The following PPP1R21 variants were observed in gnomAD, a reference collection of about 807,000 sequenced individuals.
PPP1R21 encodes protein phosphatase 1 regulatory subunit 21.
Under a neutral mutation model 112.8 loss-of-function variants are expected in PPP1R21, and 85 were observed. That is an observed-to-expected ratio of 0.75 (90% CI 0.63 to 0.90). PPP1R21 has a LOEUF of 0.90. Ranked by LOEUF, PPP1R21 falls within the 40% of genes least tolerant of loss-of-function variation. The pLI, the probability that PPP1R21 is intolerant of heterozygous loss-of-function variation, is 0.00. For synonymous variants in PPP1R21, 381 were observed against 322.3 expected (o/e 1.18, Z -1.95); for missense variants, 1,199 against 901.5 (o/e 1.33, Z -4.23).
chr2:48,446,576 A>G (rs1031191114), intron 1 of PPP1R21, among the ~76,000 whole-genome samples: 2 of 152,178 alleles, frequency 1.3e-5, no homozygotes, highest in Non-Finnish European at 2.9e-5. Flanking sequence ...ATAATTTATT[A>G]ATTTGATTTG....
At chr2:48,514,669 T>G (rs1347326253) in intron 21 of PPP1R21, 46 bp from the exon 22 acceptor site, 3 of 1,384,418 alleles carry the variant, frequency 2.2e-6, no homozygotes, top group Admixed American at 3.4e-5. Flanking sequence ...GTGAGTTATT[T>G]TTTTTTATGT....
chr2:48,499,517 C>A (rs992947920), intron 17 of PPP1R21, among the ~76,000 whole-genome samples: 1 of 152,168 alleles, frequency 6.6e-6, no homozygotes, highest in East Asian at 1.9e-4. Context: ...GAACCCAGGA[C>A]TTTGAGACCA....
At chr2:48,507,869 G>A (rs766468098) in intron 19 of PPP1R21, among the ~76,000 whole-genome samples, 4 of 143,520 alleles carry the variant, frequency 2.8e-5, no homozygotes, top group Non-Finnish European at 4.5e-5. Flanking sequence ...GGGTTCGAGC[G>A]ATTCTCCCGC....
intron 13 of PPP1R21, among the ~76,000 whole-genome samples, chr2:48,484,038 A>C (rs751631605): frequency 6.6e-5 from 10 of 152,156 alleles, no homozygotes; most frequent in Non-Finnish European, 1.0e-4. Context: ...AGATTCCTTC[A>C]AAACAAACTT....
rs779022424 is a variant in PPP1R21 at position 48,498,679 on chromosome 2, G to T, written c.1879G>T (p.Gly627Cys). ...AAATGCTGCTGTGTCAAATACTGCT[G>T]GCCAGGATGAAGCCACAGCTAAGGC... ...QENAAVSNTA[G>C]QDEATAKAVL... Residue 627 changes from glycine (G) to cysteine (C), a missense_variant, in exon 17 of 22, where the codon GGC (glycine) becomes TGC (cysteine). Physicochemically the swap from Gly to Cys is radical, Grantham distance 159. Coordinates refer to ENST00000294952, the MANE Select transcript of PPP1R21 (RefSeq NM_001135629.3). 1 of 1,614,216 alleles carries T rather than the reference G, an allele frequency of 6.2e-7. No homozygotes were observed. Among genetic ancestry groups the T allele is most frequent in the South Asian group, 1.1e-5 (1 of 91,084 alleles).
intron 14 of PPP1R21, among the ~76,000 whole-genome samples, 161 bp downstream of exon 14, chr2:48,486,919 C>G (rs1669328299): frequency 6.6e-6 from 1 of 152,194 alleles, no homozygotes; most frequent in African/African-American, 2.4e-5. Flanking sequence ...AGTATGTACT[C>G]TGACTTATTA....
Position 48,474,786 on chromosome 2 carries a change from C to G in PPP1R21, c.1192C>G (p.Leu398Val). ...AAAAATGACAGCTGTGTTTGAGAAG[C>G]TGCAGACTTACATAGCTCTTCTTGC... ...MKKMTAVFEK[L>V]QTYIALLALP... The change falls in exon 12 of 22, where the codon CTG becomes GTG. Residue 398 changes from leucine to valine, a missense_variant. Transcript: ENST00000294952. 2 of 1,613,752 alleles carry G rather than the reference C, an allele frequency of 1.2e-6. No individual in the cohort carries two copies. Among genetic ancestry groups the G allele is most frequent in the Non-Finnish European group, 1.7e-6 (2 of 1,179,798 alleles).
chr2:48,454,284 A>C (rs544827855), intron 2 of PPP1R21, among the ~76,000 whole-genome samples: 72 of 152,096 alleles, frequency 4.7e-4, no homozygotes, highest in African/African-American at 1.7e-3. Flanking sequence ...ATAAATAAAT[A>C]AATAAATCAA....
intron 8 of PPP1R21, 118 bp from the exon 9 acceptor site, chr2:48,465,373 ATT>A: frequency 2.0e-6 from 2 of 983,378 alleles, no homozygotes; most frequent in South Asian, 3.7e-5. Flanking sequence ...GAGCAGATGA[ATT>A]TAAAGTAAGG....
intron 1 of PPP1R21, among the ~76,000 whole-genome samples, chr2:48,445,209 T>G (rs759170055): frequency 1.3e-5 from 2 of 151,136 alleles, no homozygotes; most frequent in Admixed American, 6.6e-5. Context: ...GAAAACAGGT[T>G]TGTGTTCAGT....
In PPP1R21 at chr2:48,477,576, A is replaced by C. The variant is rs149975122; in HGVS notation, c.1226-2348A>C. Among the ~76,000 whole-genome samples, 5 of 151,554 alleles carry C rather than the reference A, an allele frequency of 3.3e-5. No homozygotes were observed. The East Asian group carries it at 9.7e-4, about 29-fold the overall frequency. ...GATTTATTTCTGGATTCTCAGGTCT[A>C]TTTCATTGATCTGTCCACACCAGTA... On this transcript the variant is annotated intron_variant, in intron 12 of 21. Transcript: ENST00000294952.
intron 2 of PPP1R21, among the ~76,000 whole-genome samples, 160 bp downstream of exon 2, chr2:48,451,236 C>A (rs949479265): frequency 2.0e-5 from 3 of 152,094 alleles, no homozygotes; most frequent in Non-Finnish European, 4.4e-5. Flanking sequence ...TTCCTACTTG[C>A]TTAGGTAAGA....
In PPP1R21 at chr2:48,471,170, G is replaced by T; in HGVS notation, c.981G>T (p.Glu327Asp). 6.2e-7 allele frequency: 1 copy of T among 1,611,300 alleles called. No individual in the cohort carries two copies. The highest frequency in any genetic ancestry group is 8.5e-7 in the Non-Finnish European group (1 of 1,177,514). ...TTCATTTATTTGAAAGTATCACTGA[G>T]GATACTGTGACTGTCTTGGTAATTT... ...GMLHLFESIT[E>D]DTVTVLETTV... is the part of the protein sequence containing the mutation. Residue 327 changes from glutamate (E) to aspartate (D), a missense_variant, in exon 10 of 22, where the codon GAG becomes GAT. Physicochemically the swap from Glu to Asp is conservative, Grantham distance 45. Transcript: ENST00000294952.
intron 2 of PPP1R21, among the ~76,000 whole-genome samples, chr2:48,452,127 A>G (rs1667503417): frequency 6.6e-6 from 1 of 152,240 alleles, no homozygotes; most frequent in Non-Finnish European, 1.5e-5. Context: ...AAAAATGATC[A>G]TTATATCTCC....
intron 16 of PPP1R21, 95 bp downstream of exon 16, chr2:48,495,866 C>A: frequency 4.2e-6 from 3 of 720,016 alleles, no homozygotes; most frequent in South Asian, 1.6e-5. Context: ...ATTCAAAAGT[C>A]TGCATAAATA....
At chr2:48,462,794 C>T (rs1668033515) in intron 7 of PPP1R21, among the ~76,000 whole-genome samples, 1 of 152,124 alleles carries the variant, frequency 6.6e-6, no homozygotes, top group Non-Finnish European at 1.5e-5. Flanking sequence ...GTTAATCTGG[C>T]AACAGAGTGT....
At chr2:48,484,921 T>G (rs1310451410) in intron 13 of PPP1R21, among the ~76,000 whole-genome samples, 3 of 152,256 alleles carry the variant, frequency 2.0e-5, no homozygotes, top group East Asian at 1.9e-4. Flanking sequence ...CAACCAAGAT[T>G]GCTTACCAAC....
At chr2:48,490,335 A>G (rs1182616480) in intron 14 of PPP1R21, among the ~76,000 whole-genome samples, 1 of 152,190 alleles carries the variant, frequency 6.6e-6, no homozygotes, top group Non-Finnish European at 1.5e-5. Flanking sequence ...TTACAGGTTC[A>G]ATGAAAAGAC....
chr2:48,466,703 A>G (rs1668220392), intron 9 of PPP1R21, among the ~76,000 whole-genome samples: 2 of 152,122 alleles, frequency 1.3e-5, no homozygotes, highest in African/African-American at 2.4e-5. Flanking sequence ...GAGAAGTGGG[A>G]TACACTTTTT....
Sources: allele counts gnomAD v4.1 joint callset (sites outside exome capture counted in the v4.1 genomes callset), GRCh38; gene constraint gnomAD v4.1.1; transcripts MANE v1.5; gene names NCBI Gene and HGNC (gene_info 2026-07-23, HGNC 2026-07-21).